Variants in SHANK2 observed in about 807,000 individuals in gnomAD.
SHANK2 encodes the protein SH3 and multiple ankyrin repeat domains 2, also known as SH3 and multiple ankyrin repeat domains protein 2.
In SHANK2, 43 loss-of-function variants were observed where a neutral mutation model predicts 133.7. The observed-to-expected ratio is 0.32, with a 90% confidence interval of 0.25 to 0.41. The LOEUF is 0.41. SHANK2 is among the 10% of genes least tolerant of loss of function. The pLI, the probability that SHANK2 is intolerant of heterozygous loss-of-function variation, is 1.00. For synonymous variants in SHANK2, 1,017 were observed against 952.8 expected (o/e 1.07, Z -1.24); for missense variants, 1,994 against 2,235.8 (o/e 0.89, Z 2.18).
At chr11:71,057,709 C>A (rs1289244857) in intron 9 of SHANK2, among the ~76,000 whole-genome samples, 1 of 151,148 alleles carries the variant, frequency 6.6e-6, no homozygotes, top group Admixed American at 6.6e-5. Flanking sequence ...TGCCACCATG[C>A]CCAGCTAATT....
rs562813106 is a variant in SHANK2, at chr11:70,485,730, G to A, written c.4563C>T (p.Ser1521=). 30 of 1,614,032 alleles carry A rather than the reference G, an allele frequency of 1.9e-5. No homozygotes were observed. The highest frequency in any genetic ancestry group is 5.3e-5 in the African/African-American group (4 of 75,044). Residue 1521 remains serine, a synonymous_variant, in exon 25 of 26, where the codon TCC becomes TCT. Coordinates refer to ENST00000601538, the MANE Select transcript of SHANK2 (RefSeq NM_012309.5). The surrounding 1 kb of genome is among the most constrained non-coding windows in gnomAD (Gnocchi z 5.8). ...STVSSISTLS[S]EGGENVDTCT... ...AGGTGTCCACATTCTCTCCACCTTC[G>A]GAAGACAGGGTGGAGATGCTAGACA... is the stretch of plus-strand genomic sequence containing the variant.
intron 2 of SHANK2, among the ~76,000 whole-genome samples, chr11:71,217,797 G>C (rs1419801580): frequency 6.6e-6 from 1 of 152,258 alleles, no homozygotes; most frequent in Non-Finnish European, 1.5e-5. Flanking sequence ...CAAAATGTTT[G>C]TATAGCTGAC....
intron 1 of SHANK2, among the ~76,000 whole-genome samples, chr11:71,241,166 G>GAAGCCCC (rs1565532926): frequency 6.6e-6 from 1 of 152,186 alleles, no homozygotes; most frequent in Non-Finnish European, 1.5e-5. Flanking sequence ...GGTACCCGGG[G>GAAGCCCC]AAGCCCCGCC....
chr11:70,911,313 G>A (rs1423168382), intron 10 of SHANK2, among the ~76,000 whole-genome samples: 3 of 149,398 alleles, frequency 2.0e-5, no homozygotes, highest in African/African-American at 2.5e-5. Flanking sequence ...CCAAGATCAC[G>A]CCACTGCACT....
intron 17 of SHANK2, among the ~76,000 whole-genome samples, chr11:70,629,175 G>C (rs782381259): frequency 6.6e-6 from 1 of 152,058 alleles, no homozygotes; most frequent in South Asian, 2.1e-4. Flanking sequence ...TCCCAGCACC[G>C]GAAGAGCCTG....
chr11:71,184,369 C>T (rs1410477914), intron 2 of SHANK2, among the ~76,000 whole-genome samples: 1 of 152,138 alleles, frequency 6.6e-6, no homozygotes, highest in African/African-American at 2.4e-5. Context: ...TCCTGGCCCC[C>T]ACGAAAAGCA....
intron 17 of SHANK2, among the ~76,000 whole-genome samples, chr11:70,519,852 C>T (rs369038493): frequency 1.5e-4 from 23 of 151,570 alleles, no homozygotes; most frequent in African/African-American, 2.4e-4. Context: ...TCTCTCATCT[C>T]GGCCTCCCAA....
At chr11:70,572,673 G>A (rs919881857) in intron 17 of SHANK2, among the ~76,000 whole-genome samples, 1 of 152,088 alleles carries the variant, frequency 6.6e-6, no homozygotes, top group Non-Finnish European at 1.5e-5. Context: ...CAACATCAGG[G>A]GTCTCCAGGG....
chr11:71,234,180 T>C (rs1243961763), intron 1 of SHANK2, among the ~76,000 whole-genome samples: 1 of 72,598 alleles, frequency 1.4e-5, no homozygotes, highest in African/African-American at 7.0e-5. Context: ...ACTCCCTCTC[T>C]ACTAAAAAAA....
intron 11 of SHANK2, among the ~76,000 whole-genome samples, chr11:70,829,111 C>T (rs1310430536): frequency 1.3e-5 from 2 of 152,170 alleles, no homozygotes; most frequent in African/African-American, 2.4e-5. Context: ...GAAGCCACCT[C>T]CCTGGGACCA....
intron 17 of SHANK2, among the ~76,000 whole-genome samples, chr11:70,611,595 C>CTTCTGCATTT (rs1468536047): frequency 6.6e-6 from 1 of 152,246 alleles, no homozygotes; most frequent in Non-Finnish European, 1.5e-5. Flanking sequence ...TTAAGGGCTA[C>CTTCTGCATTT]TTCTGCATTT....
At chr11:71,118,750 ACCACCATGTCTCCCCCAC>A in intron 4 of SHANK2, 61 bp downstream of exon 4, 4 of 1,257,582 alleles carry the variant, frequency 3.2e-6, no homozygotes, top group Middle Eastern at 2.0e-4. Context: ...GTCTCGCCCC[ACCACCATGTCTCCCCCAC>A]CCACCATGGC....
rs114465817 is a variant in SHANK2 at position 70,807,888 on chromosome 11, G to A, written c.1494-717C>T. Among the ~76,000 whole-genome samples the A allele has an allele frequency of 8.9e-3, 1,358 of 152,198 alleles. 14 individuals carry two copies. Among genetic ancestry groups the A allele is most frequent in the African/African-American group, 0.031 (1,281 of 41,532 alleles). On this transcript the variant is annotated intron_variant, in intron 12 of 25. Transcript: ENST00000601538. The surrounding 1 kb of genome is among the most constrained non-coding windows in gnomAD (Gnocchi z 4.8). ...ACCATGGGTGAACCTTGGGGACACT[G>A]CTCAGTGAGATACACCAGACACAAA...
chr11:70,858,739 C>A (rs1352060489), intron 11 of SHANK2, among the ~76,000 whole-genome samples: 2 of 152,248 alleles, frequency 1.3e-5, no homozygotes, highest in Non-Finnish European at 2.9e-5. Context: ...AGGGACTTGG[C>A]TCCTATCTCC....
chr11:71,123,266 A>G (rs753630214), intron 3 of SHANK2, among the ~76,000 whole-genome samples: 20 of 152,338 alleles, frequency 1.3e-4, no homozygotes, highest in Non-Finnish European at 2.5e-4. Context: ...GGGAGCCACA[A>G]AGACAATAAA....
At chr11:70,510,127 T>C (rs536639900) in intron 17 of SHANK2, among the ~76,000 whole-genome samples, 67 of 152,228 alleles carry the variant, frequency 4.4e-4, no homozygotes, top group African/African-American at 1.4e-3. Flanking sequence ...AAAGGGAAGC[T>C]GGGAGGCAGG....
At chr11:71,063,994 G>T (rs2135941780) in intron 9 of SHANK2, among the ~76,000 whole-genome samples, 1 of 151,728 alleles carries the variant, frequency 6.6e-6, no homozygotes, top group East Asian at 1.9e-4. Flanking sequence ...CCCACCAGCT[G>T]CTGGACCCCC....
intron 2 of SHANK2, among the ~76,000 whole-genome samples, chr11:71,186,359 C>G (rs577388992): frequency 2.0e-4 from 30 of 152,192 alleles, no homozygotes; most frequent in Non-Finnish European, 3.7e-4. Context: ...AGTTTGGACC[C>G]GCAGACTGAA....
chr11:71,153,992 A>C (rs1195611926), intron 2 of SHANK2, among the ~76,000 whole-genome samples: 2 of 150,342 alleles, frequency 1.3e-5, no homozygotes, highest in African/African-American at 2.5e-5. Context: ...ACAACAACAA[A>C]AAAAGTGCAA....
Sources: allele counts gnomAD v4.1 joint callset (sites outside exome capture counted in the v4.1 genomes callset), GRCh38; gene constraint gnomAD v4.1.1; non-coding constraint Gnocchi (gnomAD v3.1); transcripts MANE v1.5; gene names NCBI Gene and HGNC (gene_info 2026-07-23, HGNC 2026-07-21).